Variants in OXR1 observed in about 807,000 individuals in gnomAD.
OXR1 encodes oxidation resistance 1, also known as oxidation resistance protein 1.
OXR1 carries 41 observed loss-of-function variants against 104.6 expected under a neutral mutation model. The observed-to-expected ratio is 0.39, with a 90% CI of 0.31 to 0.51. The LOEUF (loss-of-function observed/expected upper bound fraction) is 0.51, where lower values mean the gene tolerates loss of function less well. OXR1 is among the 20% of genes least tolerant of loss of function. The pLI is 0.77. For missense variants in OXR1, 955 were observed against 1,031.9 expected, an observed-to-expected ratio of 0.93 and a Z score of 1.02; for synonymous variants, 348 against 348.4, an observed-to-expected ratio of 1.00 and a Z score of 0.01.
intron 3 of OXR1, among the ~76,000 whole-genome samples, chr8:106,534,817 G>T (rs968968770): frequency 1.3e-4 from 20 of 152,230 alleles, no homozygotes; most frequent in African/African-American, 4.8e-4. Flanking sequence ...TTTCATTAAA[G>T]AAGCAGAAAG....
chr8:106,589,223 C>T (rs1297242793), intron 3 of OXR1, among the ~76,000 whole-genome samples: 2 of 152,116 alleles, frequency 1.3e-5, no homozygotes, highest in African/African-American at 4.8e-5. Context: ...TGTAAAATGG[C>T]CATTGTCTCA....
chr8:106,409,074 T>C (rs1818360225), intron 2 of OXR1, among the ~76,000 whole-genome samples: 2 of 152,144 alleles, frequency 1.3e-5, no homozygotes, highest in African/African-American at 4.8e-5. Context: ...CCTTCAGCTA[T>C]TCTCCCCTGG....
Position 106,702,891 on chromosome 8 carries a change from C to A in OXR1, c.676-15C>A. The A allele has an allele frequency of 6.3e-7, 1 of 1,588,820 alleles. No homozygotes were observed. Among genetic ancestry groups the A allele is most frequent in the South Asian group, 1.1e-5 (1 of 87,614 alleles). On this transcript the variant is annotated splice_polypyrimidine_tract_variant and intron_variant, in intron 7 of 16. Transcript: ENST00000517566. ...AACCTTGAGGATTAAATGTTACTTT[C>A]TTTTTTCACCTTAGGGCACAGTCAG... is the stretch of plus-strand genomic sequence containing the variant.
chr8:106,513,884 A>G (rs1812696823), intron 2 of OXR1, among the ~76,000 whole-genome samples: 1 of 152,138 alleles, frequency 6.6e-6, no homozygotes, highest in East Asian at 1.9e-4. Context: ...AGTCTCAGAA[A>G]AGCACCCAGC....
chr8:106,566,519 G>A (rs189887503), intron 3 of OXR1, among the ~76,000 whole-genome samples: 9 of 152,300 alleles, frequency 5.9e-5, no homozygotes, highest in Middle Eastern at 3.4e-3. Flanking sequence ...TACACTGCTC[G>A]TGGGAGTGTA....
chr8:106,279,327 A>G (rs1317674450), intron 1 of OXR1, among the ~76,000 whole-genome samples: 1 of 152,210 alleles, frequency 6.6e-6, no homozygotes, highest in African/African-American at 2.4e-5. Flanking sequence ...AGAAATACCT[A>G]GAGAGAAATC....
At chr8:106,293,281 A>C (rs1812833510) in intron 1 of OXR1, among the ~76,000 whole-genome samples, 1 of 152,196 alleles carries the variant, frequency 6.6e-6, no homozygotes, top group Non-Finnish European at 1.5e-5. Flanking sequence ...AAGGAAGTAC[A>C]TTGATTTACA....
chr8:106,501,282 C>T (rs1340447758), intron 2 of OXR1, among the ~76,000 whole-genome samples: 1 of 152,124 alleles, frequency 6.6e-6, no homozygotes, highest in Non-Finnish European at 1.5e-5. Flanking sequence ...TGCCACCACG[C>T]CTGGCTTGAA....
rs563555080 is a variant in OXR1, at chr8:106,347,202, C to A, written c.-138-12274C>A. Among the ~76,000 whole-genome samples the A allele has an allele frequency of 2.4e-3, 358 of 152,282 alleles. 1 individual carries two copies. The highest frequency in any genetic ancestry group is 8.1e-3 in the African/African-American group (336 of 41,560). On this transcript the variant is annotated intron_variant, in intron 1 of 16. Coordinates refer to ENST00000517566, the MANE Select transcript of OXR1 (RefSeq NM_001198533.2). Reference sequence around the variant, plus strand: ...AAGAGAAGCCAATTGATTTTTATCACGTTGTATATTTTCCAATAATGCCCT... The same window carrying A: ...AAGAGAAGCCAATTGATTTTTATCAAGTTGTATATTTTCCAATAATGCCCT...
chr8:106,511,012 T>C (rs1442047425), intron 2 of OXR1, among the ~76,000 whole-genome samples: 1 of 152,216 alleles, frequency 6.6e-6, no homozygotes, highest in Non-Finnish European at 1.5e-5. Context: ...TCCTCCTGTT[T>C]AAGGGCACAA....
chr8:106,307,429 C>T (rs1813510758), intron 1 of OXR1, among the ~76,000 whole-genome samples: 1 of 152,166 alleles, frequency 6.6e-6, no homozygotes, highest in African/African-American at 2.4e-5. Context: ...ACTCCTCATC[C>T]ACCCATTGTC....
intron 3 of OXR1, among the ~76,000 whole-genome samples, chr8:106,658,399 C>G (rs1213678742): frequency 6.6e-6 from 1 of 152,146 alleles, no homozygotes; most frequent in African/African-American, 2.4e-5. Flanking sequence ...TGCGTGCCAG[C>G]TCTTCCTGCT....
At chr8:106,510,338 T>G (rs1812441539) in intron 2 of OXR1, among the ~76,000 whole-genome samples, 1 of 152,194 alleles carries the variant, frequency 6.6e-6, no homozygotes, top group Non-Finnish European at 1.5e-5. Context: ...AGAATTTCCA[T>G]GAATGTAGTA....
intron 2 of OXR1, among the ~76,000 whole-genome samples, chr8:106,483,633 G>C (rs1055525792): frequency 6.6e-6 from 1 of 151,988 alleles, no homozygotes; most frequent in Non-Finnish European, 1.5e-5. Context: ...TGGTCCACTT[G>C]AAAACATTTC....
chr8:106,731,332 A>G (rs1833874971), intron 11 of OXR1, among the ~76,000 whole-genome samples: 1 of 152,130 alleles, frequency 6.6e-6, no homozygotes, highest in Admixed American at 6.6e-5. Flanking sequence ...TATCATTTAT[A>G]TATGTTGCAG....
chr8:106,545,607 T>A (rs1165646745), intron 3 of OXR1, among the ~76,000 whole-genome samples: 1 of 152,198 alleles, frequency 6.6e-6, no homozygotes, highest in Non-Finnish European at 1.5e-5. Flanking sequence ...CATGAAATCT[T>A]CTTTAAAGTA....
chr8:106,503,824 C>T (rs1811974260), intron 2 of OXR1, among the ~76,000 whole-genome samples: 1 of 152,118 alleles, frequency 6.6e-6, no homozygotes, highest in Admixed American at 6.5e-5. Context: ...AATCTTAGTT[C>T]TCTTCTACCT....
At chr8:106,478,191 A>G (rs1298317560) in intron 2 of OXR1, among the ~76,000 whole-genome samples, 2 of 151,878 alleles carry the variant, frequency 1.3e-5, no homozygotes. Flanking sequence ...TCAGTGTGCG[A>G]ATTTTATGTA....
chr8:106,295,429 A>C (rs1298092882), intron 1 of OXR1, among the ~76,000 whole-genome samples: 1 of 152,190 alleles, frequency 6.6e-6, no homozygotes, highest in Non-Finnish European at 1.5e-5. Context: ...TGTGATGTAT[A>C]CATATTATAA....
Sources: gnomAD v4.1 joint callset for allele counts (sites outside exome capture counted in the v4.1 genomes callset) on GRCh38, gnomAD v4.1.1 for gene constraint, MANE v1.5 for transcripts, NCBI Gene and HGNC (gene_info 2026-07-23, HGNC 2026-07-21) for gene names.